Variants in PRUNE2 observed in about 807,000 individuals in gnomAD.
The protein encoded by PRUNE2 is prune homolog 2 with BCH domain, also known as protein prune homolog 2.
In PRUNE2, 164 loss-of-function variants were observed where a neutral mutation model predicts 252.0. The ratio of observed to expected loss-of-function variants is 0.65; its 90% CI spans 0.57 to 0.74. The LOEUF (loss-of-function observed/expected upper bound fraction) is 0.74, where lower values mean the gene tolerates loss of function less well. Ranked by LOEUF, PRUNE2 falls within the 30% of genes least tolerant of loss-of-function variation. The pLI, the probability that PRUNE2 is intolerant of heterozygous loss-of-function variation, is 0.00. For missense variants in PRUNE2, 3,495 were observed against 3,711.0 expected, an observed-to-expected ratio of 0.94 and a Z score of 1.51; for synonymous variants, 1,292 against 1,350.2, an observed-to-expected ratio of 0.96 and a Z score of 0.94.
intron 6 of PRUNE2, among the ~76,000 whole-genome samples, chr9:76,783,392 C>T (rs557481890): frequency 5.3e-5 from 8 of 152,266 alleles, no homozygotes; most frequent in African/African-American, 1.9e-4. Flanking sequence ...CTGCCTCAGC[C>T]TCCCAAAGTG....
rs765504205 is a variant in PRUNE2 at position 76,706,853 on chromosome 9, C to T, written c.5421G>A (p.Ser1807=). 26 of 1,594,124 alleles carry T rather than the reference C, an allele frequency of 1.6e-5. No homozygotes were observed. The highest frequency in any genetic ancestry group is 1.7e-4 in the Middle Eastern group (1 of 5,946). The change falls in exon 8 of 19, where the codon TCG becomes TCA. Residue 1807 remains serine, a synonymous_variant. Coordinates refer to ENST00000376718, the MANE Select transcript of PRUNE2 (RefSeq NM_015225.3). The part of the protein sequence containing the change: ...DVAWQISPKA[S]FPKNEDNSQL... ...GAGAATTATCTTCGTTCTTTGGGAA[C>T]GAAGCTTTGGGAGATATTTGCCATG...
At chr9:76,668,072 G>A (rs567235980) in intron 9 of PRUNE2, among the ~76,000 whole-genome samples, 48 of 152,292 alleles carry the variant, frequency 3.2e-4, no homozygotes, top group African/African-American at 1.1e-3. Context: ...ATTGGTGCAA[G>A]TGGTACACCC....
chr9:76,874,304 T>C (rs1412172061), intron 1 of PRUNE2, among the ~76,000 whole-genome samples: 2 of 152,222 alleles, frequency 1.3e-5, no homozygotes, highest in Non-Finnish European at 1.5e-5. Flanking sequence ...ATAATAATGA[T>C]ATCCTGTGAA....
intron 9 of PRUNE2, among the ~76,000 whole-genome samples, chr9:76,698,051 ATT>A (rs33999796): frequency 2.8e-3 from 411 of 146,568 alleles, no homozygotes; most frequent in Middle Eastern, 3.5e-3. Flanking sequence ...AATGTAAAGG[ATT>A]TTTTTTTTTT....
intron 18 of PRUNE2, chr9:76,615,217 T>C: frequency 2.0e-6 from 2 of 985,448 alleles, no homozygotes; most frequent in Non-Finnish European, 2.4e-6. Flanking sequence ...TTCTGCTTCT[T>C]AGTGAACACA....
chr9:76,717,610 C>A (rs891472177), intron 6 of PRUNE2, among the ~76,000 whole-genome samples: 4 of 152,072 alleles, frequency 2.6e-5, no homozygotes, highest in Non-Finnish European at 4.4e-5. Flanking sequence ...TACGTGCATA[C>A]ATATATATCT....
chr9:76,619,075 C>A (rs1830957960), intron 18 of PRUNE2, among the ~76,000 whole-genome samples: 1 of 152,134 alleles, frequency 6.6e-6, no homozygotes, highest in African/African-American at 2.4e-5. Flanking sequence ...ACATCTGGTC[C>A]TAATATTCAT....
intron 6 of PRUNE2, among the ~76,000 whole-genome samples, chr9:76,813,353 C>G (rs2131776614): frequency 6.6e-6 from 1 of 152,276 alleles, no homozygotes; most frequent in South Asian, 2.1e-4. Context: ...AATGCAAAGC[C>G]TAAAATATCT....
intron 12 of PRUNE2, chr9:76,644,358 C>A: frequency 4.3e-6 from 1 of 234,670 alleles, no homozygotes; most frequent in South Asian, 4.9e-5. Flanking sequence ...TGAGAAGCAC[C>A]TCGGGGGTAG....
At chr9:76,768,546 G>A (rs540545142) in intron 6 of PRUNE2, among the ~76,000 whole-genome samples, 1 of 150,952 alleles carries the variant, frequency 6.6e-6, no homozygotes, top group East Asian at 2.0e-4. Context: ...CGTTCTCTGG[G>A]TCTCTTATCT....
intron 6 of PRUNE2, among the ~76,000 whole-genome samples, chr9:76,768,787 C>T (rs1437841237): frequency 6.6e-6 from 1 of 152,108 alleles, no homozygotes; most frequent in Non-Finnish European, 1.5e-5. Context: ...GATTTAATCA[C>T]AAATCACTGG....
intron 6 of PRUNE2, among the ~76,000 whole-genome samples, chr9:76,815,414 T>C (rs1290688160): frequency 6.6e-6 from 1 of 152,186 alleles, no homozygotes; most frequent in Admixed American, 6.5e-5. Context: ...GTGGAACTGG[T>C]GTCTGGTGAG....
intron 4 of PRUNE2, among the ~76,000 whole-genome samples, chr9:76,837,859 C>T (rs2132268018): frequency 6.6e-6 from 1 of 151,254 alleles, no homozygotes; most frequent in South Asian, 2.1e-4. Flanking sequence ...GCAAGCTCTG[C>T]CTCCTGGGTT....
intron 6 of PRUNE2, chr9:76,823,104 A>C (rs1203905689): frequency 6.6e-6 from 1 of 152,272 alleles, no homozygotes; most frequent in Non-Finnish European, 1.5e-5. Context: ...CACAAAGACA[A>C]AAGTAGCATT....
intron 1 of PRUNE2, chr9:76,868,990 T>G (rs1415960196): frequency 2.0e-5 from 3 of 152,196 alleles, no homozygotes; most frequent in African/African-American, 7.2e-5. Flanking sequence ...CCCAGATACT[T>G]TAATTATTTC....
At chr9:76,763,433 C>A (rs2051958599) in intron 6 of PRUNE2, among the ~76,000 whole-genome samples, 1 of 152,192 alleles carries the variant, frequency 6.6e-6, no homozygotes, top group Admixed American at 6.5e-5. Context: ...TGGGAGTGCT[C>A]ACCCCAAGTC....
chr9:76,873,119 C>T (rs1244567684), intron 1 of PRUNE2, among the ~76,000 whole-genome samples: 1 of 151,968 alleles, frequency 6.6e-6, no homozygotes, highest in East Asian at 1.9e-4. Flanking sequence ...CTCCTCAGTA[C>T]CTTCCGAGGA....
chr9:76,866,677 A>T lies in PRUNE2; in HGVS notation c.37-12469T>A, dbSNP rs147188771. Among the ~76,000 whole-genome samples, 67 of 152,066 alleles carry T rather than the reference A, an allele frequency of 4.4e-4. No homozygotes were observed. In the East Asian group the frequency reaches 0.012, roughly 27 times the overall value. Reference sequence around the variant, plus strand: ...CGTATGTTTGAAAACTTAAGTACAAAAAAGGAAGGAAGGAAGGAAGAAAGA... The same window carrying T: ...CGTATGTTTGAAAACTTAAGTACAATAAAGGAAGGAAGGAAGGAAGAAAGA... On this transcript the variant is annotated intron_variant, in intron 1 of 18. Coordinates refer to ENST00000376718, the MANE Select transcript of PRUNE2 (RefSeq NM_015225.3).
At chr9:76,645,696 T>A (rs1844558670) in intron 11 of PRUNE2, among the ~76,000 whole-genome samples, 1 of 152,202 alleles carries the variant, frequency 6.6e-6, no homozygotes, top group Admixed American at 6.5e-5. Flanking sequence ...ATTGTTTCCA[T>A]TTTTACTAGA....
Sources: gnomAD v4.1 joint callset for allele counts (sites outside exome capture counted in the v4.1 genomes callset) on GRCh38, gnomAD v4.1.1 for gene constraint, MANE v1.5 for transcripts, NCBI Gene and HGNC (gene_info 2026-07-23, HGNC 2026-07-21) for gene names.